GPR83: variants seen among roughly 807,000 people sequenced by gnomAD.
GPR83 encodes the protein G protein-coupled receptor 83, also known as G-protein coupled receptor 72.
In GPR83, 23 loss-of-function variants were observed where a neutral mutation model predicts 28.0. The observed-to-expected ratio is 0.82, with a 90% CI of 0.59 to 1.16. The LOEUF is 1.16. Among genes scored for constraint, GPR83 ranks in the 50% most tolerant of loss-of-function variants. GPR83 has a pLI of 0.00. For missense variants in GPR83, 610 were observed against 536.6 expected (o/e 1.14, Z -1.35); for synonymous variants, 234 against 215.4 (o/e 1.09, Z -0.76).
rs929227887 is a variant in GPR83, at chr11:94,377,852, C to T, written c.*2297G>A. 5 of 152,146 alleles carry T rather than the reference C, an allele frequency of 3.3e-5. No homozygotes were observed. The highest frequency in any genetic ancestry group is 2.1e-4 in the South Asian group (1 of 4,820). The allele number at this position is 152,146 out of a possible 1,614,324, so 9.4% of individuals were successfully genotyped here. Reference sequence around the variant, plus strand: ...TTCAACTTCCAATATTTTGGACTTACGATGGGTTTATTGAGATGTAAGTCA... The same window carrying T: ...TTCAACTTCCAATATTTTGGACTTATGATGGGTTTATTGAGATGTAAGTCA... On this transcript the variant is annotated 3_prime_UTR_variant, in exon 4 of 4. Coordinates refer to ENST00000243673, the MANE Select transcript of GPR83 (RefSeq NM_016540.4).
At chr11:94,393,152 G>A (rs1189763146) in intron 3 of GPR83, among the ~76,000 whole-genome samples, 1 of 152,232 alleles carries the variant, frequency 6.6e-6, no homozygotes, top group Non-Finnish European at 1.5e-5. Context: ...TTTACACCTT[G>A]CTCCTTTTCA....
chr11:94,400,839 C>G (rs765507212), intron 1 of GPR83, 22 bp downstream of exon 1: 3 of 1,606,400 alleles, frequency 1.9e-6, no homozygotes, highest in Non-Finnish European at 2.6e-6. Flanking sequence ...GAAGGTGGGG[C>G]GGCAGGCAGC....
rs1042893002 is a variant in GPR83, at chr11:94,391,631, A to C, written c.647+1854T>G. On this transcript the variant is annotated intron_variant, in intron 3 of 3. Transcript: ENST00000243673. ...AACTTAAACAAATTTACAAGAAAACAAACAAACAACCCCATCAACAAGTGG... is the reference window on the plus strand; with the variant it reads ...AACTTAAACAAATTTACAAGAAAACCAACAAACAACCCCATCAACAAGTGG... Among the ~76,000 whole-genome samples, 14 of 152,166 alleles carry C rather than the reference A, an allele frequency of 9.2e-5. No individual in the cohort carries two copies. The East Asian group carries it at 2.7e-3, about 29-fold the overall frequency.
intron 3 of GPR83, among the ~76,000 whole-genome samples, chr11:94,384,449 A>C (rs915663797): frequency 3.0e-4 from 45 of 152,278 alleles, no homozygotes; most frequent in Admixed American, 2.6e-4. Flanking sequence ...CATTTCCAAG[A>C]GAGGTACCGG....
chr11:94,398,554 G>A (rs34680397), intron 1 of GPR83, among the ~76,000 whole-genome samples: 5,718 of 152,202 alleles, frequency 0.038, 253 homozygotes, highest in African/African-American at 0.1. Flanking sequence ...TGACCCTCTC[G>A]TGGGACTCTG....
chr11:94,396,859 T>C, intron 1 of GPR83, among the ~76,000 whole-genome samples: 1 of 138,252 alleles, frequency 7.2e-6, no homozygotes, highest in Non-Finnish European at 1.6e-5. Flanking sequence ...TGAATCTGTT[T>C]CCTCATTTGC....
intron 1 of GPR83, among the ~76,000 whole-genome samples, chr11:94,398,695 T>C (rs922231636): frequency 6.6e-6 from 1 of 152,150 alleles, no homozygotes; most frequent in Non-Finnish European, 1.5e-5. Flanking sequence ...CTGCAGTAGA[T>C]TAAGTGGACA....
Position 94,396,407 on chromosome 11 carries a change from G to T in GPR83, c.505C>A (p.Arg169Ser). Reference protein sequence around the residue: ...ALTLTAIAVDRHQVIMHPLKP... With the variant: ...ALTLTAIAVDSHQVIMHPLKP... ...GGGGTAGGTGCCCTCACCTGGTGGC[G>T]ATCCACCGCAATGGCTGTCAGTGTC... The change falls in exon 2 of 4, where the codon CGC (arginine) becomes AGC (serine). Residue 169 changes from arginine (R) to serine (S), a missense_variant. Arg to Ser is a moderately radical substitution (Grantham distance 110, BLOSUM62 -1). Transcript: ENST00000243673. 1.2e-6 allele frequency: 2 copies of T among 1,613,540 alleles called. No homozygotes were observed. Among genetic ancestry groups the T allele is most frequent in the Non-Finnish European group, 1.7e-6 (2 of 1,179,662 alleles).
At chr11:94,396,869 CAA>C (rs71459725) in intron 1 of GPR83, among the ~76,000 whole-genome samples, 14 of 113,674 alleles carry the variant, frequency 1.2e-4, no homozygotes, top group African/African-American at 1.1e-4. Flanking sequence ...TCCTCATTTG[CAA>C]AAAAAAAAAA....
Position 94,393,769 on chromosome 11 carries a change from T to C in GPR83, c.514-151A>G, listed in dbSNP as rs1591607218. The C allele has an allele frequency of 4.7e-6, 3 of 638,408 alleles. No homozygotes were observed. The East Asian group carries it at 7.9e-5, about 17-fold the overall frequency. 39.5% of individuals were successfully genotyped at this position (638,408 alleles called of 1,614,324 possible). On this transcript the variant is annotated intron_variant, in intron 2 of 3. Coordinates refer to ENST00000243673, the MANE Select transcript of GPR83 (RefSeq NM_016540.4). ...TGAGCCCAGGAGTTCTAGACCAGAC[T>C]GGGCAACACAGTGAGACCCTGTCTC...
chr11:94,385,489 T>A (rs918685575), intron 3 of GPR83, among the ~76,000 whole-genome samples: 9 of 152,062 alleles, frequency 5.9e-5, no homozygotes, highest in South Asian at 2.1e-4. Flanking sequence ...TAACCAATGC[T>A]GAGAAGTCCT....
At chr11:94,385,066 C>G (rs1944737295) in intron 3 of GPR83, among the ~76,000 whole-genome samples, 1 of 152,216 alleles carries the variant, frequency 6.6e-6, no homozygotes, top group Non-Finnish European at 1.5e-5. Flanking sequence ...GCAGCCTCTG[C>G]TGCTGATACC....
chr11:94,381,198 T>C (rs551421363), intron 3 of GPR83, among the ~76,000 whole-genome samples: 1 of 152,308 alleles, frequency 6.6e-6, no homozygotes, highest in South Asian at 2.1e-4. Context: ...CTTGAGCATA[T>C]GAGTGGTAAA....
intron 3 of GPR83, among the ~76,000 whole-genome samples, chr11:94,384,638 AGCGAG>A (rs1297612200): frequency 6.6e-6 from 1 of 152,216 alleles, no homozygotes; most frequent in African/African-American, 2.4e-5. Context: ...GGTCAGCGGC[AGCGAG>A]GCTGGGGGAG....
At chr11:94,399,304 C>G (rs1217391082) in intron 1 of GPR83, among the ~76,000 whole-genome samples, 1 of 152,170 alleles carries the variant, frequency 6.6e-6, no homozygotes, top group Non-Finnish European at 1.5e-5. Context: ...ATTAAGTGGC[C>G]ATCAATACGT....
intron 3 of GPR83, among the ~76,000 whole-genome samples, chr11:94,381,558 A>AGTGTGTGTGTGT (rs56180709): frequency 0.022 from 3,317 of 148,112 alleles, 49 homozygotes; most frequent in East Asian, 0.062. Context: ...GGAGTGAGTG[A>AGTGTGTGTGTGT]GTGTGTGTGT....
In GPR83 at chr11:94,393,631, C is replaced by A. The variant is rs1944840242; in HGVS notation, c.514-13G>T. Reference sequence around the variant, plus strand: ...GGTGCATGATGACCTGGAAAACAAGCAAACCACATCACTAACTGAAGACGT... The same window carrying A: ...GGTGCATGATGACCTGGAAAACAAGAAAACCACATCACTAACTGAAGACGT... On this transcript the variant is annotated splice_polypyrimidine_tract_variant and intron_variant, in intron 2 of 3. Transcript: ENST00000243673. 1 of 1,613,328 alleles carries A rather than the reference C, an allele frequency of 6.2e-7. No individual in the cohort carries two copies. The highest frequency in any genetic ancestry group is 8.5e-7 in the Non-Finnish European group (1 of 1,179,684).
chr11:94,385,326 CA>C (rs1944741720), intron 3 of GPR83, among the ~76,000 whole-genome samples: 1 of 152,246 alleles, frequency 6.6e-6, no homozygotes, highest in Admixed American at 6.5e-5. Context: ...TCCTCACCAG[CA>C]ATGGAAAAAA....
intron 3 of GPR83, among the ~76,000 whole-genome samples, chr11:94,384,074 C>T (rs926316893): frequency 6.6e-6 from 1 of 152,028 alleles, no homozygotes; most frequent in South Asian, 2.1e-4. Context: ...AACATGAATG[C>T]GAAAATCCTC....
Sources: gnomAD v4.1 joint callset for allele counts (sites outside exome capture counted in the v4.1 genomes callset) on GRCh38, gnomAD v4.1.1 for gene constraint, MANE v1.5 for transcripts, NCBI Gene and HGNC (gene_info 2026-07-23, HGNC 2026-07-21) for gene names.